USP31: variants seen among roughly 807,000 people sequenced by gnomAD.
The protein encoded by USP31 is ubiquitin carboxyl-terminal hydrolase 31.
A neutral mutation model predicts 119.4 loss-of-function variants in USP31; 44 were observed. The observed-to-expected ratio is 0.37, with a 90% confidence interval of 0.29 to 0.47. The LOEUF (loss-of-function observed/expected upper bound fraction) is 0.47, where lower values mean the gene tolerates loss of function less well. Ranked by LOEUF, USP31 falls within the 20% of genes least tolerant of loss-of-function variation. The pLI is 0.99. For missense variants in USP31, 1,643 were observed against 1,730.2 expected, an observed-to-expected ratio of 0.95 and a Z score of 0.89; for synonymous variants, 749 against 705.6, an observed-to-expected ratio of 1.06 and a Z score of -0.97.
At chr16:23,072,931 A>G (rs1900406580) in intron 14 of USP31, among the ~76,000 whole-genome samples, 1 of 151,918 alleles carries the variant, frequency 6.6e-6, no homozygotes, top group Admixed American at 6.6e-5. Context: ...TCTGCTTGAG[A>G]GATGCCTTGT....
intron 1 of USP31, among the ~76,000 whole-genome samples, chr16:23,136,594 C>T (rs1021608184): frequency 6.8e-6 from 1 of 147,792 alleles, no homozygotes; most frequent in Non-Finnish European, 1.5e-5. Context: ...CCGGAGGCTG[C>T]AGTGAGCTAA....
At position 23,063,755 on chromosome 16, in the gene USP31, A is replaced by G. The variant is rs142065284; in HGVS notation, c.*4291T>C. On this transcript the variant is annotated 3_prime_UTR_variant, in exon 16 of 16. Transcript: ENST00000219689. ...TTGCCTTTTTTTTTTAAGACTTAACATTTCATGTCTATATGTTTTATTGTT... is the reference window on the plus strand; with the variant it reads ...TTGCCTTTTTTTTTTAAGACTTAACGTTTCATGTCTATATGTTTTATTGTT... 8.0e-4 allele frequency: 121 copies of G among 151,868 alleles called. 1 individual carries two copies. The highest frequency in any genetic ancestry group is 2.7e-3 in the African/African-American group (113 of 41,432). The allele number at this position is 151,868 out of a possible 1,614,324, so 9.4% of individuals were successfully genotyped here. A position where few individuals can be genotyped will look rare whatever the true frequency, so the allele number is the denominator to read the frequency against.
chr16:23,129,425 G>C (rs1567245645), intron 1 of USP31, among the ~76,000 whole-genome samples: 1 of 152,048 alleles, frequency 6.6e-6, no homozygotes, highest in Admixed American at 6.5e-5. Flanking sequence ...GTTTTCCTTA[G>C]GCAGACAATG....
At chr16:23,076,143 G>C (rs930612734) in intron 13 of USP31, among the ~76,000 whole-genome samples, 2 of 152,012 alleles carry the variant, frequency 1.3e-5, no homozygotes, top group Admixed American at 6.6e-5. Flanking sequence ...GGGTGAGAGA[G>C]CATCAGGAAG....
At chr16:23,115,747 A>G (rs996659594) in intron 1 of USP31, 34 of 982,216 alleles carry the variant, frequency 3.5e-5, no homozygotes, top group East Asian at 3.4e-4. Flanking sequence ...TAATAAAGTA[A>G]AAGGCAAAAC....
intron 1 of USP31, among the ~76,000 whole-genome samples, chr16:23,124,923 T>C (rs922959898): frequency 6.6e-6 from 1 of 151,996 alleles, no homozygotes; most frequent in African/African-American, 2.4e-5. Context: ...CCCTAGAGTA[T>C]CTACGCATCA....
At position 23,108,068 on chromosome 16, in the gene USP31, T is replaced by C. The variant is rs1225505409; in HGVS notation, c.749A>G (p.Gln250Arg). 6.2e-7 allele frequency: 1 copy of C among 1,613,898 alleles called. No homozygotes were observed. Among genetic ancestry groups the C allele is most frequent in the Non-Finnish European group, 8.5e-7 (1 of 1,179,934 alleles). ...TACCTTCAGAGGAGGCTGGCCACTC[T>C]GCTTCACTGAATGGTTGAGGTCTTC... is the stretch of plus-strand genomic sequence containing the variant. ...VHEDLNHSVK[Q>R]SGQPPLKPPS... is the part of the protein sequence containing the mutation. Residue 250 changes from glutamine to arginine, a missense_variant, in exon 2 of 16, where the codon CAG (glutamine) becomes CGG (arginine). Physicochemically the swap from Gln to Arg is conservative, Grantham distance 43 (BLOSUM62 1). This residue lies in a region of USP31 where 144 missense variants were observed against 218.0 expected (regional missense o/e 0.66). Coordinates refer to ENST00000219689, the MANE Select transcript of USP31 (RefSeq NM_020718.4).
At chr16:23,104,936 T>C (rs1166050052) in intron 5 of USP31, among the ~76,000 whole-genome samples, 1 of 152,234 alleles carries the variant, frequency 6.6e-6, no homozygotes, top group African/African-American at 2.4e-5. Flanking sequence ...TTCCTTTCTC[T>C]TCTCTAAACA....
rs139780223 is a variant in USP31, at chr16:23,068,949, G to A, written c.3156C>T (p.Ser1052=). 149 of 1,614,188 alleles carry A rather than the reference G, an allele frequency of 9.2e-5. No individual in the cohort carries two copies. In the African/African-American group the frequency reaches 1.9e-3, roughly 20 times the overall value. ...GAGAAGAAGGGGATGTACTTGAAAG[G>A]GATGACTCCTGGCTTGCCAAGGCTG... is the stretch of plus-strand genomic sequence containing the variant. ...GRPALASQES[S]LSSTSPSSPL... The change falls in exon 16 of 16, where the codon TCC becomes TCT. Residue 1052 remains serine, a synonymous_variant. Transcript: ENST00000219689.
intron 14 of USP31, chr16:23,072,648 T>C (rs142662479): frequency 7.2e-6 from 3 of 419,166 alleles, no homozygotes; most frequent in Non-Finnish European, 1.3e-5. Context: ...TTAAGGAAAT[T>C]TGTCACCATT....
rs967281488 is a variant in USP31 at position 23,065,211 on chromosome 16, A to T, written c.*2835T>A. 4.6e-5 allele frequency: 7 copies of T among 152,138 alleles called. No individual in the cohort carries two copies. Among genetic ancestry groups the T allele is most frequent in the African/African-American group, 1.7e-4 (7 of 41,408 alleles). 9.4% of individuals were successfully genotyped at this position (152,138 alleles called of 1,614,324 possible). On this transcript the variant is annotated 3_prime_UTR_variant, in exon 16 of 16. Coordinates refer to ENST00000219689, the MANE Select transcript of USP31 (RefSeq NM_020718.4). ...GTGCCTACCAGGAGATGACTGCTCTAATCAGGCCCATCTAGATGTCAACGA... is the reference window on the plus strand; with the variant it reads ...GTGCCTACCAGGAGATGACTGCTCTTATCAGGCCCATCTAGATGTCAACGA...
chr16:23,140,261 T>C (rs2141902928), intron 1 of USP31, among the ~76,000 whole-genome samples: 1 of 152,282 alleles, frequency 6.6e-6, no homozygotes, highest in Non-Finnish European at 1.5e-5. Context: ...TATCTCCCCT[T>C]CATTCCAAAT....
chr16:23,117,251 G>A (rs537085468), intron 1 of USP31, among the ~76,000 whole-genome samples: 1 of 152,272 alleles, frequency 6.6e-6, no homozygotes, highest in African/African-American at 2.4e-5. Flanking sequence ...CATGTTCTCA[G>A]GATCCAAACT....
chr16:23,102,561 G>A, intron 5 of USP31, 98 bp from the exon 6 acceptor site: 1 of 1,391,044 alleles, frequency 7.2e-7, no homozygotes, highest in South Asian at 1.5e-5. Flanking sequence ...AGGACTGGCA[G>A]TGGTCTGAGA....
At chr16:23,111,123 G>A (rs925056516) in intron 1 of USP31, among the ~76,000 whole-genome samples, 15 of 151,872 alleles carry the variant, frequency 9.9e-5, no homozygotes, top group East Asian at 1.9e-4. Flanking sequence ...GCGAGACTCC[G>A]TCTCAAAAAT....
chr16:23,073,378 TG>T (rs1231922238), intron 14 of USP31, among the ~76,000 whole-genome samples: 1 of 152,222 alleles, frequency 6.6e-6, no homozygotes, highest in African/African-American at 2.4e-5. Flanking sequence ...GATTGCTATG[TG>T]GCCCAGATGG....
intron 14 of USP31, among the ~76,000 whole-genome samples, chr16:23,073,473 C>A (rs1900427634): frequency 6.6e-6 from 1 of 152,184 alleles, no homozygotes; most frequent in Admixed American, 6.5e-5. Context: ...CACAAGAACA[C>A]ATCATGAGCT....
rs888137145 is a variant in USP31, at chr16:23,062,373, T to G, written c.*5673A>C. ...CACGAAAAAATAGCAATAAGGGTTT[T>G]TTTTTTTTAAAAAAAAGACACCAAA... On this transcript the variant is annotated 3_prime_UTR_variant, in exon 16 of 16. Transcript: ENST00000219689. 7.2e-6 allele frequency: 1 copy of G among 138,760 alleles called. No individual in the cohort carries two copies. Among genetic ancestry groups the G allele is most frequent in the African/African-American group, 2.5e-5 (1 of 39,262 alleles). 8.6% of individuals were successfully genotyped at this position (138,760 alleles called of 1,614,324 possible). A position where few individuals can be genotyped will look rare whatever the true frequency, so the allele number is the denominator to read the frequency against.
intron 13 of USP31, 180 bp downstream of exon 13, chr16:23,079,766 G>A (rs1447723263): frequency 1.8e-6 from 1 of 565,874 alleles, no homozygotes; most frequent in African/African-American, 2.0e-5. Context: ...CTCAGGAAAA[G>A]GAGGAAGAAT....
Sources: allele counts gnomAD v4.1 joint callset (sites outside exome capture counted in the v4.1 genomes callset), GRCh38; gene constraint gnomAD v4.1.1; regional missense constraint gnomAD v4.1.1; transcripts MANE v1.5; gene names NCBI Gene and HGNC (gene_info 2026-07-23, HGNC 2026-07-21).